Variants in LINGO2 observed in about 807,000 individuals in gnomAD.
The protein encoded by LINGO2 is leucine rich repeat and Ig domain containing 2.
LINGO2 carries 14 observed loss-of-function variants against 30.6 expected under a neutral mutation model. The observed-to-expected ratio is 0.46, with a 90% CI of 0.30 to 0.72. The LOEUF (loss-of-function observed/expected upper bound fraction) is 0.72, where lower values mean the gene tolerates loss of function less well. Among genes scored for constraint, LINGO2 ranks in the 30% least tolerant of loss-of-function variants. The pLI is 0.07. For synonymous variants in LINGO2, 317 were observed against 288.5 expected (o/e 1.10, Z -1.00); for missense variants, 729 against 751.7 (o/e 0.97, Z 0.35).
At chr9:28,028,267 C>A (rs1385075031) in intron 4 of LINGO2, among the ~76,000 whole-genome samples, 1 of 152,182 alleles carries the variant, frequency 6.6e-6, no homozygotes, top group Non-Finnish European at 1.5e-5. Flanking sequence ...TTTAACATAG[C>A]TTTTCCACAA....
In LINGO2 at chr9:28,613,450, C is replaced by T. The variant is rs549816255; in HGVS notation, c.-365+56750G>A. Among the ~76,000 whole-genome samples the T allele has an allele frequency of 1.1e-4, 16 of 150,968 alleles. No individual in the cohort carries two copies. In the South Asian group the frequency reaches 2.9e-3, roughly 28 times the overall value. On this transcript the variant is annotated intron_variant, in intron 1 of 5. Transcript: ENST00000379992. ...ACATATATATATTTGCCTATATATA[C>T]CCATATGATATATATATATTTATCT...
At chr9:29,152,770 C>G in the LINGO2 span, among the ~76,000 whole-genome samples, 1 of 152,126 alleles carries the variant, frequency 6.6e-6, no homozygotes, top group Admixed American at 6.6e-5. Flanking sequence ...TAATCCTTCA[C>G]ATGTACCCCC....
the LINGO2 span, chr9:27,939,197 G>A: frequency 6.6e-6 from 1 of 152,134 alleles, no homozygotes; most frequent in Non-Finnish European, 1.5e-5. Flanking sequence ...TGAAATGCTT[G>A]TGTTCTCCAA....
intron 1 of LINGO2, among the ~76,000 whole-genome samples, chr9:28,510,929 C>A (rs1479250567): frequency 1.3e-5 from 2 of 152,034 alleles, no homozygotes; most frequent in African/African-American, 4.8e-5. Flanking sequence ...AGGCAGGAAG[C>A]ATCGAGTGCG....
intron 2 of LINGO2, among the ~76,000 whole-genome samples, chr9:28,404,900 T>TTGTGTGTGTGTGTGTGTGTGTGTGTG (rs60281661): frequency 9.8e-6 from 1 of 102,454 alleles, no homozygotes; most frequent in African/African-American, 2.7e-5. Context: ...CTCAGCCGCT[T>TTGTGTGTGTGTGTGTGTGTGTGTGTG]TGTGTGTGTG....
At chr9:28,996,749 A>G in the LINGO2 span, among the ~76,000 whole-genome samples, 3 of 152,324 alleles carry the variant, frequency 2.0e-5, no homozygotes, top group East Asian at 5.8e-4. Flanking sequence ...TTCTTTTCAT[A>G]CATTTTCTGT....
At chr9:28,714,164 A>AATATATATATATATAT in the LINGO2 span, among the ~76,000 whole-genome samples, 198 of 117,130 alleles carry the variant, frequency 1.7e-3, 1 homozygote, top group African/African-American at 5.5e-3. Context: ...TGCCTCAAAT[A>AATATATATATATATAT]ATATATATAT....
At chr9:28,863,116 T>G in the LINGO2 span, among the ~76,000 whole-genome samples, 6 of 152,048 alleles carry the variant, frequency 3.9e-5, no homozygotes, top group African/African-American at 1.4e-4. Context: ...TTAAGGTGAT[T>G]TTTTTTGCCC....
At chr9:27,980,009 T>C (rs1820779822) in intron 5 of LINGO2, among the ~76,000 whole-genome samples, 1 of 151,894 alleles carries the variant, frequency 6.6e-6, no homozygotes, top group Admixed American at 6.6e-5. Flanking sequence ...CATCCTGTAT[T>C]GACATGTGAA....
At chr9:28,723,655 A>G in the LINGO2 span, among the ~76,000 whole-genome samples, 2 of 152,136 alleles carry the variant, frequency 1.3e-5, no homozygotes, top group African/African-American at 4.8e-5. Flanking sequence ...TTATCAAAGT[A>G]GCCCTGTTGG....
At position 28,553,244 on chromosome 9, in the gene LINGO2, C is replaced by A. The variant is rs1012605579; in HGVS notation, c.-364-77219G>T. ...AAACCAAAGACAAAGAAGTTGAAAA[C>A]TTTGAAAAAAATGTAGAAGAATGTG... On this transcript the variant is annotated intron_variant, in intron 1 of 5. Transcript: ENST00000379992. 1.2e-4 allele frequency among the ~76,000 whole-genome samples: 19 copies of A among 152,014 alleles called. 1 individual carries two copies. Among genetic ancestry groups the A allele is most frequent in the African/African-American group, 4.6e-4 (19 of 41,498 alleles).
Position 28,209,458 on chromosome 9 carries a change from A to G in LINGO2, c.-87+85750T>C, listed in dbSNP as rs139627423. Among the ~76,000 whole-genome samples the G allele has an allele frequency of 2.1e-3, 320 of 152,042 alleles. 1 individual carries two copies. The highest frequency in any genetic ancestry group is 7.4e-3 in the African/African-American group (307 of 41,526). On this transcript the variant is annotated intron_variant, in intron 4 of 5. Coordinates refer to ENST00000379992, the Ensembl canonical transcript of LINGO2. ...TCATGAACTTTTTGTTACACTAGGT[A>G]TAATGGCCATATTTTCTGAAATAAA... is the stretch of plus-strand genomic sequence containing the variant.
chr9:28,163,417 T>C (rs1324811192), intron 4 of LINGO2, among the ~76,000 whole-genome samples: 1 of 152,128 alleles, frequency 6.6e-6, no homozygotes, highest in East Asian at 1.9e-4. Flanking sequence ...GTCTTTGTTA[T>C]TTTTAGAATA....
the LINGO2 span, among the ~76,000 whole-genome samples, chr9:28,880,861 T>C: frequency 0.015 from 2,299 of 152,278 alleles, 30 homozygotes; most frequent in Admixed American, 0.023. Context: ...TCCGCTGAGA[T>C]GTTTGGGTGG....
At chr9:28,516,677 T>C (rs1820631332) in intron 1 of LINGO2, among the ~76,000 whole-genome samples, 1 of 152,212 alleles carries the variant, frequency 6.6e-6, no homozygotes, top group Non-Finnish European at 1.5e-5. Context: ...ATATTTGATA[T>C]TCTCATCAAC....
the LINGO2 span, among the ~76,000 whole-genome samples, chr9:28,797,374 A>AAT: frequency 7.0e-6 from 1 of 143,064 alleles, no homozygotes; most frequent in Non-Finnish European, 1.5e-5. Context: ...AGAGAGAGAG[A>AAT]GAGAGAGAGA....
At chr9:28,605,967 T>A (rs71513907) in intron 1 of LINGO2, among the ~76,000 whole-genome samples, 12,090 of 151,942 alleles carry the variant, frequency 0.08, 642 homozygotes, top group East Asian at 0.18. Flanking sequence ...GAGTCGATTC[T>A]TTCTTTTTGC....
intron 1 of LINGO2, among the ~76,000 whole-genome samples, chr9:28,570,482 T>C (rs528303980): frequency 6.6e-6 from 1 of 151,956 alleles, no homozygotes; most frequent in Admixed American, 6.6e-5. Context: ...GATAAAAAAA[T>C]TTTACTTGGG....
chr9:28,634,424 T>C (rs1245491470), intron 1 of LINGO2, among the ~76,000 whole-genome samples: 1 of 151,768 alleles, frequency 6.6e-6, no homozygotes, highest in Non-Finnish European at 1.5e-5. Context: ...CGAAACAGAA[T>C]CTTGATTGTC....
Sources: allele counts gnomAD v4.1 joint callset (sites outside exome capture counted in the v4.1 genomes callset), GRCh38; gene constraint gnomAD v4.1.1; transcripts MANE v1.5; gene names NCBI Gene and HGNC (gene_info 2026-07-23, HGNC 2026-07-21).